ZIM2: variants seen among roughly 807,000 people sequenced by gnomAD.
The protein encoded by ZIM2 is zinc finger imprinted 2.
In ZIM2, 14 loss-of-function variants were observed where a neutral mutation model predicts 38.6. That is an observed-to-expected ratio of 0.36 (90% CI 0.24 to 0.57). The LOEUF is 0.57. ZIM2 is among the 20% of genes least tolerant of loss of function. The pLI is 0.81. For missense variants in ZIM2, 680 were observed against 695.1 expected, an observed-to-expected ratio of 0.98 and a Z score of 0.24; for synonymous variants, 247 against 245.8, an observed-to-expected ratio of 1.00 and a Z score of -0.04.
At chr19:56,837,162 G>A (rs555567637) in intron 1 of ZIM2, among the ~76,000 whole-genome samples, 1 of 152,126 alleles carries the variant, frequency 6.6e-6, no homozygotes, top group African/African-American at 2.4e-5. Context: ...ACACCCAAAC[G>A]AACTAAGCTT....
At chr19:56,823,990 G>A (rs570633544) in intron 4 of ZIM2, among the ~76,000 whole-genome samples, 1 of 152,254 alleles carries the variant, frequency 6.6e-6, no homozygotes, top group African/African-American at 2.4e-5. Flanking sequence ...CTACAGAAGT[G>A]TCTCCTTTCC....
chr19:56,809,903 C>G (rs1033164453), intron 9 of ZIM2, among the ~76,000 whole-genome samples: 1 of 152,046 alleles, frequency 6.6e-6, no homozygotes, highest in South Asian at 2.1e-4. Flanking sequence ...TGAAATCAAA[C>G]AGTATTTAAA....
At chr19:56,790,317 A>C (rs1361100167) in intron 9 of ZIM2, among the ~76,000 whole-genome samples, 2 of 152,192 alleles carry the variant, frequency 1.3e-5, no homozygotes, top group Middle Eastern at 3.2e-3. Context: ...CACTTATCTG[A>C]GGTTTTGTTT....
At chr19:56,815,207 G>A (rs1233088344) in intron 9 of ZIM2, 3 of 1,613,672 alleles carry the variant, frequency 1.9e-6, no homozygotes, top group Admixed American at 1.7e-5. Flanking sequence ...TCCTGACCAT[G>A]GGTCTCCTCG....
chr19:56,800,934 C>CT (rs776316373), intron 9 of ZIM2, among the ~76,000 whole-genome samples: 4,105 of 135,990 alleles, frequency 0.03, 86 homozygotes, highest in Middle Eastern at 0.043. Context: ...GATGGTATTA[C>CT]TTTTTTTTTT....
intron 10 of ZIM2, among the ~76,000 whole-genome samples, 172 bp downstream of exon 10, chr19:56,789,700 A>T (rs1417838087): frequency 6.6e-6 from 1 of 152,216 alleles, no homozygotes; most frequent in Non-Finnish European, 1.5e-5. Context: ...AATAAGAAAA[A>T]AAAGAATCAT....
chr19:56,797,964 A>G (rs1359351169), intron 9 of ZIM2: 1 of 152,202 alleles, frequency 6.6e-6, no homozygotes, highest in Non-Finnish European at 1.5e-5. Flanking sequence ...CTAAAGCTCC[A>G]TATCTTCCTT....
In ZIM2 at chr19:56,823,631, C is replaced by T; in HGVS notation, c.65G>A (p.Arg22Lys). ...TGAGTGAGGTGGTGAGGACTCTCTT[C>T]TGTTCCGGGTCATGTCGTCGTCGCT... Reference protein sequence around the residue: ...VTSDDDMTRNRRESSPPHSVH... With the variant: ...VTSDDDMTRNKRESSPPHSVH... Residue 22 changes from arginine to lysine, a missense_variant, in exon 5 of 13, where the codon AGA becomes AAA. Coordinates refer to ENST00000629319, the MANE Select transcript of ZIM2 (RefSeq NM_001387356.1). 6.2e-7 allele frequency: 1 copy of T among 1,614,168 alleles called. No homozygotes were observed. Among genetic ancestry groups the T allele is most frequent in the Non-Finnish European group, 8.5e-7 (1 of 1,180,032 alleles).
At chr19:56,824,543 C>T (rs753346169) in intron 3 of ZIM2, 116 bp from the exon 4 acceptor site, 3 of 1,614,014 alleles carry the variant, frequency 1.9e-6, no homozygotes, top group Non-Finnish European at 2.5e-6. Flanking sequence ...GTCAGTTGGA[C>T]CTTCTCCTAT....
At chr19:56,836,969 CAAAAAAAA>C (rs573566620) in intron 1 of ZIM2, among the ~76,000 whole-genome samples, 4 of 116,986 alleles carry the variant, frequency 3.4e-5, no homozygotes, top group East Asian at 5.8e-4. Flanking sequence ...GACTCTGTCT[CAAAAAAAA>C]AAAAAAAAAA....
intron 2 of ZIM2, 38 bp downstream of exon 2, chr19:56,835,980 A>C: frequency 2.0e-6 from 1 of 503,380 alleles, no homozygotes. Flanking sequence ...GTCACTCCAA[A>C]GATGAATGTG....
intron 7 of ZIM2, among the ~76,000 whole-genome samples, chr19:56,820,970 C>T (rs1226601067): frequency 1.3e-5 from 2 of 152,212 alleles, no homozygotes; most frequent in African/African-American, 4.8e-5. Context: ...GTATAAGTGA[C>T]CCCTCTCCTC....
rs372687566 is a variant in ZIM2, at chr19:56,814,393, T to G, written c.490+3353A>C. 2 of 1,613,644 alleles carry G rather than the reference T, an allele frequency of 1.2e-6. No homozygotes were observed. The highest frequency in any genetic ancestry group is 2.7e-5 in the African/African-American group (2 of 74,918). ...TTCTTCTTCCAGATGAAGCTCCTTA[T>G]GTTTAGTGAGGACTGTGCTATGAAT... On this transcript the variant is annotated intron_variant, in intron 9 of 12. Transcript: ENST00000629319. This position sits in a 1 kb window ranked among gnomAD's most constrained non-coding sequence, Gnocchi z 5.8.
chr19:56,813,778 C>G (rs2059709124), intron 9 of ZIM2: 1 of 1,614,040 alleles, frequency 6.2e-7, no homozygotes, highest in Non-Finnish European at 8.5e-7. Context: ...TTGATTGGCA[C>G]CACCTGTGCT....
intron 6 of ZIM2, 41 bp from the exon 7 acceptor site, chr19:56,821,795 C>T (rs1388086685): frequency 6.2e-7 from 1 of 1,607,728 alleles, no homozygotes; most frequent in South Asian, 1.1e-5. Context: ...AGGGCCCAGT[C>T]CATCCTGCAG....
chr19:56,796,670 T>TG (rs1443523881), intron 9 of ZIM2, among the ~76,000 whole-genome samples: 3 of 151,904 alleles, frequency 2.0e-5, no homozygotes, highest in African/African-American at 7.3e-5. Flanking sequence ...CCCCAGGCAG[T>TG]GGGGGGTGGG....
At chr19:56,799,630 C>A (rs898754922) in intron 9 of ZIM2, 1 of 152,020 alleles carries the variant, frequency 6.6e-6, no homozygotes, top group African/African-American at 2.4e-5. Context: ...TAAAAAAAAC[C>A]CTAAACATAT....
intron 9 of ZIM2, among the ~76,000 whole-genome samples, chr19:56,801,034 C>G (rs1444053150): frequency 6.6e-6 from 1 of 150,590 alleles, no homozygotes; most frequent in African/African-American, 2.4e-5. Context: ...CTCCCAGGTT[C>G]AAGCAATTCT....
chr19:56,779,147 C>T (rs1228451175), intron 12 of ZIM2, among the ~76,000 whole-genome samples: 2 of 151,806 alleles, frequency 1.3e-5, no homozygotes, highest in African/African-American at 2.4e-5. Context: ...CATGAGTGGA[C>T]GGAAGGGCTG....
Sources: gnomAD v4.1 joint callset for allele counts (sites outside exome capture counted in the v4.1 genomes callset) on GRCh38, gnomAD v4.1.1 for gene constraint, Gnocchi (gnomAD v3.1) non-coding constraint, MANE v1.5 for transcripts, NCBI Gene and HGNC (gene_info 2026-07-23, HGNC 2026-07-21) for gene names.